The following PIAS1 variants were observed in gnomAD, a reference collection of about 807,000 sequenced individuals.
PIAS1 encodes E3 SUMO-protein ligase PIAS1.
Under a neutral mutation model 71.3 loss-of-function variants are expected in PIAS1, and 6 were observed. The ratio of observed to expected loss-of-function variants is 0.08; its 90% CI spans 0.05 to 0.17. The LOEUF is 0.17. Among genes scored for constraint, PIAS1 ranks in the 10% least tolerant of loss-of-function variants. The pLI is 1.00. For missense variants in PIAS1, 555 were observed against 793.6 expected (o/e 0.70, Z 3.61); for synonymous variants, 303 against 292.9 (o/e 1.03, Z -0.35).
intron 2 of PIAS1, among the ~76,000 whole-genome samples, chr15:68,119,497 GT>G (rs1389227586): frequency 2.0e-5 from 3 of 151,662 alleles, no homozygotes; most frequent in Non-Finnish European, 4.4e-5. Flanking sequence ...ATATATTTCT[GT>G]TATTTAGTTT....
chr15:68,068,990 G>T (rs1401242190), intron 1 of PIAS1, among the ~76,000 whole-genome samples: 1 of 151,114 alleles, frequency 6.6e-6, no homozygotes, highest in African/African-American at 2.4e-5. Flanking sequence ...CCACCTCCTG[G>T]GTTCAAGCCA....
intron 4 of PIAS1, among the ~76,000 whole-genome samples, chr15:68,144,555 G>A (rs1287360512): frequency 6.6e-6 from 1 of 152,038 alleles, no homozygotes; most frequent in Non-Finnish European, 1.5e-5. Flanking sequence ...GGCAGCCAGG[G>A]TCCATGTTTT....
chr15:68,124,657 T>A (rs767154992), intron 2 of PIAS1, among the ~76,000 whole-genome samples: 5 of 152,114 alleles, frequency 3.3e-5, no homozygotes, highest in Admixed American at 6.6e-5. Flanking sequence ...GAGGCAGATG[T>A]TGTTGTGAGC....
At chr15:68,130,522 G>C (rs1224640264) in intron 2 of PIAS1, among the ~76,000 whole-genome samples, 1 of 151,658 alleles carries the variant, frequency 6.6e-6, no homozygotes, top group Non-Finnish European at 1.5e-5. Context: ...TTTAAAAAAA[G>C]AAAAACTCTG....
chr15:68,062,818 A>G lies in PIAS1; in HGVS notation c.24+8468A>G, dbSNP rs150339234. On this transcript the variant is annotated intron_variant, in intron 1 of 13. Coordinates refer to ENST00000249636, the MANE Select transcript of PIAS1 (RefSeq NM_016166.3). ...TTTTCTAAAACTGTGAGACCATACC[A>G]TATGTAGCATCCTACAGTTTGCTTT... 7.0e-4 allele frequency among the ~76,000 whole-genome samples: 106 copies of G among 152,302 alleles called. 1 individual carries two copies. In the East Asian group the frequency reaches 0.019, roughly 27 times the overall value.
intron 8 of PIAS1, among the ~76,000 whole-genome samples, chr15:68,170,786 G>A (rs942591798): frequency 5.3e-5 from 8 of 151,930 alleles, no homozygotes; most frequent in Admixed American, 3.3e-4. Flanking sequence ...GATCCCAGAC[G>A]TGTGCCACCA....
intron 1 of PIAS1, chr15:68,055,299 A>T: frequency 1.3e-6 from 1 of 751,946 alleles, no homozygotes; most frequent in Non-Finnish European, 1.6e-6. Context: ...GGCCATGTTG[A>T]TTTGAACGAA....
In PIAS1 at chr15:68,142,181, GTTATAT is replaced by G. The variant is rs903180107; in HGVS notation, c.555-104_555-99del. 3.2e-4 allele frequency: 326 copies of G among 1,022,092 alleles called. 1 individual carries two copies. In the Admixed American group the frequency reaches 6.5e-3, roughly 20 times the overall value. 63.3% of individuals were successfully genotyped at this position (1,022,092 alleles called of 1,614,324 possible). On this transcript the variant is annotated intron_variant, in intron 3 of 13. Coordinates refer to ENST00000249636, the MANE Select transcript of PIAS1 (RefSeq NM_016166.3). ...TAGTGTGTTAGTTACTGTAAGAACAGTTATATTTATGATAATTTGAAAAACTTTTCT... is the reference window on the plus strand; with the variant it reads ...TAGTGTGTTAGTTACTGTAAGAACAGTTATGATAATTTGAAAAACTTTTCT...
chr15:68,116,115 A>G (rs1319953771), intron 2 of PIAS1, among the ~76,000 whole-genome samples: 4 of 151,430 alleles, frequency 2.6e-5, no homozygotes, highest in Non-Finnish European at 4.4e-5. Flanking sequence ...TGTAGAATCA[A>G]TATTTTTTCT....
chr15:68,188,535 AG>A lies in PIAS1; in HGVS notation c.*702del, dbSNP rs1460275706. The A allele has an allele frequency of 6.6e-6, 1 of 152,232 alleles. No individual in the cohort carries two copies. Among genetic ancestry groups the A allele is most frequent in the Non-Finnish European group, 1.5e-5 (1 of 68,084 alleles). 9.4% of individuals were successfully genotyped at this position (152,232 alleles called of 1,614,324 possible). A position where few individuals can be genotyped will look rare whatever the true frequency, so the allele number is the denominator to read the frequency against. ...GCTTGCTTCTTTCAAAGTGCTTTGA[AG>A]GTCTTGAACTCACGTGTGAGCATCT... On this transcript the variant is annotated 3_prime_UTR_variant, in exon 14 of 14. Coordinates refer to ENST00000249636, the MANE Select transcript of PIAS1 (RefSeq NM_016166.3).
rs2092701885 is a variant in PIAS1, at chr15:68,133,699, T to TTA, written c.470-8246_470-8245insAT. Among the ~76,000 whole-genome samples, 4 of 1,610 alleles carry TTA rather than the reference T, an allele frequency of 2.5e-3. 2 individuals are homozygous for TTA. The highest frequency in any genetic ancestry group is 2.6e-3 in the African/African-American group (4 of 1,554). The allele number at this position is 1,610 out of a possible 152,430, so 1.1% of individuals were successfully genotyped here. A position where few individuals can be genotyped will look rare whatever the true frequency, so the allele number is the denominator to read the frequency against. ...AGATTTTTATTTTTATTTTTTATTTTTTTTTTTGTTTTTTTAATTTAATTT... is the reference window on the plus strand; with the variant it reads ...AGATTTTTATTTTTATTTTTTATTTTTATTTTTTTGTTTTTTTAATTTAATTT... On this transcript the variant is annotated intron_variant, in intron 2 of 13. Transcript: ENST00000249636.
chr15:68,164,143 G>A (rs2141077020), intron 7 of PIAS1, among the ~76,000 whole-genome samples: 1 of 152,182 alleles, frequency 6.6e-6, no homozygotes. Context: ...GCTGAGAAAG[G>A]AGGATTGACT....
At chr15:68,122,186 G>A (rs182237147) in intron 2 of PIAS1, among the ~76,000 whole-genome samples, 1 of 152,200 alleles carries the variant, frequency 6.6e-6, no homozygotes, top group African/African-American at 2.4e-5. Context: ...ACTTGGGCAA[G>A]TTGCTAGAAA....
intron 7 of PIAS1, among the ~76,000 whole-genome samples, chr15:68,158,212 C>T (rs149287237): frequency 1.3e-5 from 2 of 152,250 alleles, no homozygotes; most frequent in Non-Finnish European, 2.9e-5. Flanking sequence ...CCTGTATTCA[C>T]TCTGCTTTTT....
intron 1 of PIAS1, among the ~76,000 whole-genome samples, chr15:68,085,698 C>G (rs927724311): frequency 2.0e-5 from 3 of 152,002 alleles, no homozygotes; most frequent in African/African-American, 7.3e-5. Context: ...TAATACCTTG[C>G]GGAGTTGTAA....
At chr15:68,107,673 C>G (rs984058081) in intron 2 of PIAS1, among the ~76,000 whole-genome samples, 1 of 151,760 alleles carries the variant, frequency 6.6e-6, no homozygotes, top group African/African-American at 2.4e-5. Flanking sequence ...TAAACTATAT[C>G]TAAGAGCAAT....
intron 6 of PIAS1, among the ~76,000 whole-genome samples, chr15:68,148,615 G>C (rs1362445377): frequency 6.6e-6 from 1 of 152,102 alleles, no homozygotes; most frequent in Non-Finnish European, 1.5e-5. Context: ...TTTTAGTAGA[G>C]ATGGGGTTTC....
intron 12 of PIAS1, among the ~76,000 whole-genome samples, chr15:68,183,023 G>C (rs1287919459): frequency 6.6e-6 from 1 of 152,158 alleles, no homozygotes; most frequent in Non-Finnish European, 1.5e-5. Context: ...ATGTTAATTG[G>C]AAGGGGCCTC....
rs780115390 is a variant in PIAS1, at chr15:68,171,146, GAC to G, written c.1009-2582_1009-2581del. Among the ~76,000 whole-genome samples the G allele has an allele frequency of 7.3e-5, 11 of 150,936 alleles. No homozygotes were observed. The highest frequency in any genetic ancestry group is 1.7e-4 in the African/African-American group (7 of 41,116). On this transcript the variant is annotated intron_variant, in intron 8 of 13. Transcript: ENST00000249636. This position sits in a 1 kb window ranked among gnomAD's most constrained non-coding sequence, Gnocchi z 4.4. The stretch of plus-strand genomic sequence containing the variant: ...TTTAAACTTTTTTGTTAAAAACAAA[GAC>G]ACAAACACACATTAGCCTAGGCCTG...
Sources: allele counts gnomAD v4.1 joint callset (sites outside exome capture counted in the v4.1 genomes callset), GRCh38; gene constraint gnomAD v4.1.1; non-coding constraint Gnocchi (gnomAD v3.1); transcripts MANE v1.5; gene names NCBI Gene and HGNC (gene_info 2026-07-23, HGNC 2026-07-21).